Variants in TACC2 observed in about 807,000 individuals in gnomAD.
TACC2 encodes the protein transforming acidic coiled-coil containing protein 2, also known as transforming acidic coiled-coil-containing protein 2.
In TACC2, 137 loss-of-function variants were observed where a neutral mutation model predicts 227.3. The observed-to-expected ratio is 0.60, with a 90% CI of 0.52 to 0.69. TACC2 has a LOEUF of 0.69. Among genes scored for constraint, TACC2 ranks in the 30% least tolerant of loss-of-function variants. The pLI is 0.00. For missense variants in TACC2, 3,470 were observed against 3,694.4 expected (o/e 0.94, Z 1.57); for synonymous variants, 1,523 against 1,487.5 (o/e 1.02, Z -0.55).
chr10:122,225,116 G>A (rs2095600999), intron 12 of TACC2, among the ~76,000 whole-genome samples: 1 of 151,100 alleles, frequency 6.6e-6, no homozygotes, highest in South Asian at 2.1e-4. Context: ...ACGATTAGCT[G>A]TTTTTGAGAA....
At chr10:122,022,567 C>A (rs1957459331) in intron 2 of TACC2, 1 of 152,464 alleles carries the variant, frequency 6.6e-6, no homozygotes, top group South Asian at 2.1e-4. Context: ...CCAGGCCTGG[C>A]CTTACTTTTT....
In TACC2 at chr10:122,120,897, C is replaced by T. The variant is rs572132868; in HGVS notation, c.5574-11712C>T. On this transcript the variant is annotated intron_variant, in intron 5 of 22. Transcript: ENST00000369005. ...TCTCCTGCCTCAGCCTCCCGAGTAGCTGGATTATAGATGCGTGCCACCATG... is the reference window on the plus strand; with the variant it reads ...TCTCCTGCCTCAGCCTCCCGAGTAGTTGGATTATAGATGCGTGCCACCATG... Among the ~76,000 whole-genome samples the T allele has an allele frequency of 4.9e-4, 74 of 152,292 alleles. No individual in the cohort carries two copies. The South Asian group carries it at 0.014, about 29-fold the overall frequency.
At chr10:122,062,025 CTTTTTTTTTTTTT>C (rs140523380) in intron 3 of TACC2, among the ~76,000 whole-genome samples, 10 of 64,000 alleles carry the variant, frequency 1.6e-4, no homozygotes, top group African/African-American at 5.6e-4. Flanking sequence ...GTCAGAGCGG[CTTTTTTTTTTTTT>C]TTTTTTTTTT....
At chr10:122,039,840 A>C (rs1463436099) in intron 2 of TACC2, among the ~76,000 whole-genome samples, 1 of 152,096 alleles carries the variant, frequency 6.6e-6, no homozygotes, top group African/African-American at 2.4e-5. Context: ...TCTGAATTTT[A>C]GTGGTAGCTT....
In TACC2 at chr10:122,126,316, C is replaced by CTGTGTGTGTGTGTGTGTGTGTGTGTG. The variant is rs3037067; in HGVS notation, c.5574-6287_5574-6262dup. ...TTATTCCATGGGTTATAATCCAGAACTGTGTGTGTGTGTGTGTGTGTGTGT... is the reference window on the plus strand; with the variant it reads ...TTATTCCATGGGTTATAATCCAGAACTGTGTGTGTGTGTGTGTGTGTGTGTGTGTGTGTGTGTGTGTGTGTGTGTGT... On this transcript the variant is annotated intron_variant, in intron 5 of 22. Transcript: ENST00000369005. Among the ~76,000 whole-genome samples, 138 of 142,124 alleles carry CTGTGTGTGTGTGTGTGTGTGTGTGTG rather than the reference C, an allele frequency of 9.7e-4. 1 individual carries two copies. The highest frequency in any genetic ancestry group is 2.2e-3 in the South Asian group (9 of 4,102). The allele number at this position is 142,124 out of a possible 152,430, so 93.2% of individuals were successfully genotyped here. A position where few individuals can be genotyped will look rare whatever the true frequency, so the allele number is the denominator to read the frequency against.
At chr10:122,096,453 T>C (rs1463214332) in intron 5 of TACC2, among the ~76,000 whole-genome samples, 6 of 152,072 alleles carry the variant, frequency 3.9e-5, no homozygotes, top group African/African-American at 1.4e-4. Flanking sequence ...TCCCAGCACT[T>C]TGGGAGGCCG....
chr10:122,178,774 G>T (rs555414376), intron 7 of TACC2, among the ~76,000 whole-genome samples: 1 of 152,140 alleles, frequency 6.6e-6, no homozygotes, highest in Non-Finnish European at 1.5e-5. Flanking sequence ...CCAGCTACTC[G>T]GAGGCTGAGG....
intron 8 of TACC2, among the ~76,000 whole-genome samples, chr10:122,203,866 C>G (rs1288952484): frequency 2.0e-5 from 3 of 151,982 alleles, no homozygotes; most frequent in Non-Finnish European, 2.9e-5. Context: ...AGCCTTGGCA[C>G]CATTGAGCAC....
At chr10:122,040,833 G>A (rs1323128647) in intron 2 of TACC2, among the ~76,000 whole-genome samples, 1 of 152,156 alleles carries the variant, frequency 6.6e-6, no homozygotes, top group African/African-American at 2.4e-5. Flanking sequence ...ACCTAGCCTG[G>A]GTGTCAAGGA....
chr10:122,010,311 T>C (rs1237214410), intron 1 of TACC2, among the ~76,000 whole-genome samples: 5 of 152,214 alleles, frequency 3.3e-5, no homozygotes, highest in African/African-American at 9.6e-5. Context: ...GGGTTCAAAC[T>C]GATGTCTGAG....
At chr10:122,021,877 A>G (rs1957384470) in intron 1 of TACC2, 60 bp from the exon 2 acceptor site, 3 of 1,003,218 alleles carry the variant, frequency 3.0e-6, no homozygotes, top group Non-Finnish European at 4.7e-6. Flanking sequence ...ATGAGCAGAC[A>G]GAAAAAACCT....
intron 3 of TACC2, among the ~76,000 whole-genome samples, chr10:122,059,117 C>T (rs4623831): frequency 0.56 from 78,953 of 141,904 alleles, 23,160 homozygotes; most frequent in Non-Finnish European, 0.64. Flanking sequence ...GGGGTTTCAC[C>T]ATGTTGGTCA....
intron 2 of TACC2, among the ~76,000 whole-genome samples, chr10:122,049,951 A>G (rs1360432995): frequency 6.6e-6 from 1 of 152,194 alleles, no homozygotes; most frequent in Non-Finnish European, 1.5e-5. Context: ...GGTTGGGTCC[A>G]GATTTCTAAG....
chr10:122,111,936 T>G (rs202037080), intron 5 of TACC2, among the ~76,000 whole-genome samples: 2 of 87,642 alleles, frequency 2.3e-5, no homozygotes, highest in Non-Finnish European at 6.3e-5. Flanking sequence ...AGGAATCTAT[T>G]TAAGTTTCCA....
At position 122,156,188 on chromosome 10, in the gene TACC2, T is replaced by C. The variant is rs559140270; in HGVS notation, c.5834+12482T>C. Reference sequence around the variant, plus strand: ...TTCACTCTGAAAAGAAATGAAAAATTATGAAAATGATTTTATTTTAGATTT... The same window carrying C: ...TTCACTCTGAAAAGAAATGAAAAATCATGAAAATGATTTTATTTTAGATTT... On this transcript the variant is annotated intron_variant, in intron 7 of 22. Transcript: ENST00000369005. Among the ~76,000 whole-genome samples the C allele has an allele frequency of 3.3e-5, 5 of 150,940 alleles. No homozygotes were observed. The South Asian group carries it at 1.0e-3, about 32-fold the overall frequency.
intron 2 of TACC2, among the ~76,000 whole-genome samples, chr10:122,031,560 G>A (rs1385589870): frequency 1.4e-5 from 2 of 146,668 alleles, no homozygotes; most frequent in Non-Finnish European, 3.0e-5. Flanking sequence ...GCCCACCACT[G>A]CGCCCGGCTA....
intron 11 of TACC2, among the ~76,000 whole-genome samples, chr10:122,222,521 T>A (rs11200489): frequency 0.36 from 54,922 of 152,002 alleles, 10,264 homozygotes; most frequent in Middle Eastern, 0.51. Context: ...GGTGTCAGAG[T>A]ACCCCACTTT....
chr10:121,996,987 C>T (rs1282527199), intron 1 of TACC2, among the ~76,000 whole-genome samples: 5 of 151,764 alleles, frequency 3.3e-5, no homozygotes. Flanking sequence ...GGAGGAGGAA[C>T]TGGAGAAGGA....
chr10:122,075,200 A>AAAAG lies in TACC2; in HGVS notation c.147-7430_147-7427dup, dbSNP rs1554997869. ...TAAATCTTGCTGCCAAAAAAAAAAA[A>AAAAG]AAAGAAAGAAAGAAAGAAAGTCAGC... On this transcript the variant is annotated intron_variant, in intron 3 of 22. Coordinates refer to ENST00000369005, the MANE Select transcript of TACC2 (RefSeq NM_206862.4). 6.0e-4 allele frequency among the ~76,000 whole-genome samples: 73 copies of AAAAG among 122,366 alleles called. 1 individual carries two copies. Among genetic ancestry groups the AAAAG allele is most frequent in the African/African-American group, 1.8e-3 (65 of 35,840 alleles). 80.3% of individuals were successfully genotyped at this position (122,366 alleles called of 152,430 possible). A position where few individuals can be genotyped will look rare whatever the true frequency, so the allele number is the denominator to read the frequency against.
Sources: gnomAD v4.1 joint callset for allele counts (sites outside exome capture counted in the v4.1 genomes callset) on GRCh38, gnomAD v4.1.1 for gene constraint, MANE v1.5 for transcripts, NCBI Gene and HGNC (gene_info 2026-07-23, HGNC 2026-07-21) for gene names.